ACOXL: variants seen among roughly 807,000 people sequenced by gnomAD.
ACOXL encodes acyl-CoA oxidase like.
A neutral mutation model predicts 71.9 loss-of-function variants in ACOXL; 70 were observed. The ratio of observed to expected loss-of-function variants is 0.97; its 90% confidence interval spans 0.80 to 1.19. The LOEUF (loss-of-function observed/expected upper bound fraction) is 1.19, where lower values mean the gene tolerates loss of function less well. ACOXL is among the 50% of genes most tolerant of loss of function. The probability of loss-of-function intolerance (pLI) is 0.00; values close to 1 mark genes in which losing one functional copy is unlikely to be tolerated. For missense variants in ACOXL, 703 were observed against 736.3 expected (o/e 0.95, Z 0.52); for synonymous variants, 253 against 281.6 (o/e 0.90, Z 1.02).
chr2:110,933,766 G>A, intron 12 of ACOXL, 124 bp downstream of exon 12: 2 of 1,264,832 alleles, frequency 1.6e-6, no homozygotes, highest in South Asian at 3.2e-5. Context: ...CCATGACTCT[G>A]GGTTCCTTCC....
chr2:110,928,783 G>T (rs538030702), intron 11 of ACOXL, among the ~76,000 whole-genome samples: 2 of 152,246 alleles, frequency 1.3e-5, no homozygotes, highest in African/African-American at 4.8e-5. Context: ...TGAATCATGG[G>T]GCTGGTTTCC....
chr2:111,068,052 A>G (rs80274252), intron 16 of ACOXL, among the ~76,000 whole-genome samples: 5,173 of 152,234 alleles, frequency 0.034, 125 homozygotes, highest in Middle Eastern at 0.068. Flanking sequence ...AAAATACCCC[A>G]CAAATGGAAG....
intron 2 of ACOXL, among the ~76,000 whole-genome samples, chr2:110,777,267 A>G (rs1030086982): frequency 7.9e-5 from 12 of 152,210 alleles, no homozygotes; most frequent in African/African-American, 2.7e-4. Flanking sequence ...GGGAGGCCCA[A>G]GGGTGGAGCC....
intron 10 of ACOXL, among the ~76,000 whole-genome samples, chr2:110,861,489 G>A (rs1472826965): frequency 6.6e-6 from 1 of 152,018 alleles, no homozygotes; most frequent in Non-Finnish European, 1.5e-5. Flanking sequence ...TGCTTTCAGG[G>A]CTTTATTTGT....
intron 10 of ACOXL, among the ~76,000 whole-genome samples, chr2:110,905,464 C>T (rs755139490): frequency 7.9e-5 from 12 of 152,204 alleles, no homozygotes; most frequent in Non-Finnish European, 1.5e-4. Flanking sequence ...TTATTCCCTA[C>T]AAGCTGGCCA....
chr2:111,081,390 G>C (rs1372897566), intron 16 of ACOXL, among the ~76,000 whole-genome samples: 1 of 152,074 alleles, frequency 6.6e-6, no homozygotes, highest in Non-Finnish European at 1.5e-5. Flanking sequence ...TACAAACAGA[G>C]AGCCAAATCA....
intron 1 of ACOXL, among the ~76,000 whole-genome samples, chr2:110,758,692 C>T (rs982420650): frequency 2.0e-5 from 3 of 152,222 alleles, no homozygotes; most frequent in African/African-American, 7.2e-5. Flanking sequence ...CAGCTCTGAT[C>T]TTGGTTATTT....
intron 1 of ACOXL, among the ~76,000 whole-genome samples, chr2:110,733,659 G>A (rs1573239966): frequency 2.0e-5 from 3 of 152,300 alleles, no homozygotes; most frequent in East Asian, 1.9e-4. Context: ...TGGCTTGAGT[G>A]AACGTCAGGC....
At chr2:111,044,186 C>T (rs2065910844) in intron 15 of ACOXL, among the ~76,000 whole-genome samples, 1 of 152,204 alleles carries the variant, frequency 6.6e-6, no homozygotes, top group Non-Finnish European at 1.5e-5. Flanking sequence ...TCTCTCATTG[C>T]ACCTCCAGGT....
At chr2:110,982,962 G>A (rs1324527127) in intron 12 of ACOXL, among the ~76,000 whole-genome samples, 3 of 152,236 alleles carry the variant, frequency 2.0e-5, no homozygotes, top group Middle Eastern at 3.4e-3. Context: ...TTCATTTTGC[G>A]TTGGGCCCCA....
At position 111,054,056 on chromosome 2, in the gene ACOXL, C is replaced by G. The variant is rs1216584806; in HGVS notation, c.1440+4768C>G. ...ATGTTGAGTGAGTGCCTGGAACATT[C>G]CCCATGCTACAGTCCCAGCTATGGC... is the stretch of plus-strand genomic sequence containing the variant. On this transcript the variant is annotated intron_variant, in intron 16 of 17. Transcript: ENST00000439055. Among the ~76,000 whole-genome samples the G allele has an allele frequency of 2.6e-5, 4 of 152,160 alleles. No homozygotes were observed. In the East Asian group the frequency reaches 7.7e-4, roughly 29 times the overall value.
At chr2:110,874,466 A>C (rs984995588) in intron 10 of ACOXL, among the ~76,000 whole-genome samples, 1 of 152,200 alleles carries the variant, frequency 6.6e-6, no homozygotes, top group African/African-American at 2.4e-5. Flanking sequence ...GGGAAGCGGA[A>C]TGAGCAGAAA....
intron 9 of ACOXL, among the ~76,000 whole-genome samples, chr2:110,832,770 A>C (rs956168646): frequency 6.6e-6 from 1 of 152,220 alleles, no homozygotes; most frequent in African/African-American, 2.4e-5. Context: ...GGTAAAAGAG[A>C]TTAAGAGCTA....
intron 11 of ACOXL, among the ~76,000 whole-genome samples, chr2:110,913,018 A>G (rs959726394): frequency 1.3e-5 from 2 of 152,228 alleles, no homozygotes; most frequent in Non-Finnish European, 2.9e-5. Context: ...TCTAAAAGTC[A>G]TTATTTGTCA....
At chr2:110,782,257 G>A (rs900004413) in intron 2 of ACOXL, among the ~76,000 whole-genome samples, 5 of 152,148 alleles carry the variant, frequency 3.3e-5, no homozygotes, top group South Asian at 2.1e-4. Flanking sequence ...CATTATCATC[G>A]TAGCCCATTC....
Position 110,971,041 on chromosome 2 carries a change from CAG to C in ACOXL, c.1060-16066_1060-16065del, listed in dbSNP as rs2062162130. On this transcript the variant is annotated intron_variant, in intron 12 of 17. Coordinates refer to ENST00000439055, the MANE Select transcript of ACOXL (RefSeq NM_001142807.4). ...AGAGGATGAAAAGATAAGCTACAGA[CAG>C]GGAGAATATATTTTCAAATGACACC... is the stretch of plus-strand genomic sequence containing the variant. Among the ~76,000 whole-genome samples, 3 of 152,160 alleles carry C rather than the reference CAG, an allele frequency of 2.0e-5. No homozygotes were observed. In the South Asian group the frequency reaches 6.2e-4, roughly 32 times the overall value.
At chr2:110,810,662 C>A (rs1415369117) in intron 9 of ACOXL, among the ~76,000 whole-genome samples, 1 of 152,162 alleles carries the variant, frequency 6.6e-6, no homozygotes, top group Non-Finnish European at 1.5e-5. Context: ...CATCCATCAT[C>A]ATTTATCCAT....
At chr2:110,880,179 AAAAG>A (rs1696469366) in intron 10 of ACOXL, among the ~76,000 whole-genome samples, 1 of 151,454 alleles carries the variant, frequency 6.6e-6, no homozygotes, top group Non-Finnish European at 1.5e-5. Context: ...AAAAGAAAAG[AAAAG>A]AAAGGAAAAA....
intron 1 of ACOXL, among the ~76,000 whole-genome samples, chr2:110,764,816 A>C (rs2104945348): frequency 6.6e-6 from 1 of 152,334 alleles, no homozygotes; most frequent in Admixed American, 6.5e-5. Flanking sequence ...TGCTCTAAAA[A>C]AGTCTATTAA....
Sources: gnomAD v4.1 joint callset for allele counts (sites outside exome capture counted in the v4.1 genomes callset) on GRCh38, gnomAD v4.1.1 for gene constraint, MANE v1.5 for transcripts, NCBI Gene and HGNC (gene_info 2026-07-23, HGNC 2026-07-21) for gene names.